Variants in THSD7A observed in about 807,000 individuals in gnomAD.
The protein encoded by THSD7A is thrombospondin type 1 domain containing 7A, also known as thrombospondin type-1 domain-containing protein 7A.
THSD7A carries 96 observed loss-of-function variants against 231.3 expected under a neutral mutation model. That is an observed-to-expected ratio of 0.41 (90% CI 0.35 to 0.49). The LOEUF (loss-of-function observed/expected upper bound fraction) is 0.49, where lower values mean the gene tolerates loss of function less well. THSD7A is among the 20% of genes least tolerant of loss of function. THSD7A has a pLI of 0.05. For missense variants in THSD7A, 2,290 were observed against 2,070.2 expected (o/e 1.11, Z -2.06); for synonymous variants, 940 against 743.3 (o/e 1.26, Z -4.30).
At chr7:11,695,196 T>C (rs1419738268) in intron 1 of THSD7A, among the ~76,000 whole-genome samples, 2 of 151,522 alleles carry the variant, frequency 1.3e-5, no homozygotes, top group African/African-American at 4.8e-5. Context: ...GTTCATCTCT[T>C]GCTGACCATA....
In THSD7A at chr7:11,386,559, T is replaced by C. The variant is rs112685503; in HGVS notation, c.4412-3943A>G. On this transcript the variant is annotated intron_variant, in intron 23 of 27. Coordinates refer to ENST00000423059, the MANE Select transcript of THSD7A (RefSeq NM_015204.3). ...ATTCTTTGCTCACTTTTTGATGGCA[T>C]TGTTTTTTTCTTGCAAATTTGTTTA... 2.8e-3 allele frequency among the ~76,000 whole-genome samples: 434 copies of C among 152,336 alleles called. 1 individual carries two copies. Among genetic ancestry groups the C allele is most frequent in the Non-Finnish European group, 5.2e-3 (353 of 68,028 alleles).
In THSD7A at chr7:11,636,949, C is replaced by T. The variant is rs754165607; in HGVS notation, c.203G>A (p.Arg68Gln). Residue 68 changes from arginine (R) to glutamine (Q), a missense_variant, in exon 2 of 28, where the codon CGA becomes CAA. Coordinates refer to ENST00000423059, the MANE Select transcript of THSD7A (RefSeq NM_015204.3). This position sits in a 1 kb window ranked among gnomAD's most constrained non-coding sequence, Gnocchi z 10.0. ...GGGACCACATTCATCTCCCATACAT[C>T]GGCCCCATGGACCTACAAAAATTAT... ...LYLWKTGPWG[R>Q]CMGDECGPGG... The T allele has an allele frequency of 1.2e-6, 2 of 1,606,842 alleles. No individual in the cohort carries two copies. Among genetic ancestry groups the T allele is most frequent in the South Asian group, 1.1e-5 (1 of 90,886 alleles).
rs187309803 is a variant in THSD7A, at chr7:11,403,762, A to G, written c.4238-1794T>C. On this transcript the variant is annotated intron_variant, in intron 22 of 27. Coordinates refer to ENST00000423059, the MANE Select transcript of THSD7A (RefSeq NM_015204.3). ...CCTAAGTAATACATGTCAGGCTTCA[A>G]AGATTTAATAACAGCAAATGAGAGT... 4.1e-3 allele frequency among the ~76,000 whole-genome samples: 622 copies of G among 152,336 alleles called. 6 individuals carry two copies. Among genetic ancestry groups the G allele is most frequent in the African/African-American group, 0.014 (602 of 41,584 alleles).
At chr7:11,507,995 T>G (rs1312444688) in intron 6 of THSD7A, among the ~76,000 whole-genome samples, 1 of 152,098 alleles carries the variant, frequency 6.6e-6, no homozygotes, top group Non-Finnish European at 1.5e-5. Flanking sequence ...TGGCAGAAGG[T>G]AAAGTGTAAG....
At chr7:11,559,520 CATATAT>C (rs200390688) in intron 4 of THSD7A, among the ~76,000 whole-genome samples, 89 of 139,480 alleles carry the variant, frequency 6.4e-4, no homozygotes, top group Admixed American at 1.3e-3. Context: ...TATATAAATC[CATATAT>C]ATATATATAA....
chr7:11,437,090 A>G (rs1784657102), intron 13 of THSD7A, among the ~76,000 whole-genome samples: 1 of 152,142 alleles, frequency 6.6e-6, no homozygotes, highest in African/African-American at 2.4e-5. Flanking sequence ...AAGGAAAGCC[A>G]AATAAGGACA....
intron 1 of THSD7A, among the ~76,000 whole-genome samples, chr7:11,733,348 T>G (rs953153673): frequency 2.6e-5 from 4 of 151,920 alleles, no homozygotes; most frequent in Admixed American, 2.6e-4. Context: ...GGTCAATACA[T>G]CATTATGTTG....
At chr7:11,469,791 C>A in intron 9 of THSD7A, 88 bp downstream of exon 9, 1 of 877,838 alleles carries the variant, frequency 1.1e-6, no homozygotes, top group Non-Finnish European at 1.8e-6. Flanking sequence ...CTGTGCAAAA[C>A]TCACAAACAT....
chr7:11,387,008 G>A (rs1047140478), intron 23 of THSD7A, among the ~76,000 whole-genome samples: 14 of 151,990 alleles, frequency 9.2e-5, no homozygotes, highest in African/African-American at 3.4e-4. Flanking sequence ...TTTGTCAAAG[G>A]TCAGATGGTT....
intron 4 of THSD7A, among the ~76,000 whole-genome samples, chr7:11,569,662 C>T (rs1790536548): frequency 6.6e-6 from 1 of 152,176 alleles, no homozygotes; most frequent in African/African-American, 2.4e-5. Flanking sequence ...AGCAATCCTA[C>T]TATTGAGCAT....
chr7:11,449,453 A>G (rs1045197848), intron 11 of THSD7A, among the ~76,000 whole-genome samples: 1 of 152,028 alleles, frequency 6.6e-6, no homozygotes, highest in Non-Finnish European at 1.5e-5. Flanking sequence ...AGGTACAGGA[A>G]GGGTTCTGGC....
chr7:11,412,722 T>G lies in THSD7A; in HGVS notation c.3616A>C (p.Asn1206His). ...TTACAGGGTTCTTTCTCAACAGCAT[T>G]AGGGCAAGATCTTCCTTCATCAGCT... Reference protein sequence around the residue: ...QPADEGRSCPNAVEKEPCNLN... With the variant: ...QPADEGRSCPHAVEKEPCNLN... The change falls in exon 18 of 28, where the codon AAT becomes CAT. Residue 1206 changes from asparagine to histidine, a missense_variant. Transcript: ENST00000423059. 1 of 1,613,776 alleles carries G rather than the reference T, an allele frequency of 6.2e-7. No homozygotes were observed. Among genetic ancestry groups the G allele is most frequent in the South Asian group, 1.1e-5 (1 of 91,044 alleles).
chr7:11,548,934 AACAAG>A (rs1231398297), intron 4 of THSD7A, among the ~76,000 whole-genome samples: 3 of 152,106 alleles, frequency 2.0e-5, no homozygotes, highest in Non-Finnish European at 2.9e-5. Flanking sequence ...TGAGAACTGG[AACAAG>A]ACAAGAATAC....
intron 2 of THSD7A, among the ~76,000 whole-genome samples, chr7:11,595,061 G>T (rs1780310280): frequency 6.6e-6 from 1 of 152,210 alleles, no homozygotes; most frequent in Admixed American, 6.5e-5. Context: ...GCTGCCATCA[G>T]CCTTTCCACC....
chr7:11,559,232 T>A (rs1789976954), intron 4 of THSD7A, among the ~76,000 whole-genome samples: 2 of 152,160 alleles, frequency 1.3e-5, no homozygotes, highest in African/African-American at 2.4e-5. Context: ...CCCTGTCAGC[T>A]CCTTGATTTT....
chr7:11,442,116 C>A (rs1784825768), intron 13 of THSD7A, among the ~76,000 whole-genome samples: 1 of 151,912 alleles, frequency 6.6e-6, no homozygotes, highest in South Asian at 2.1e-4. Context: ...GTTTATATAT[C>A]ATTTGTGCAG....
At chr7:11,407,459 A>C in intron 19 of THSD7A, 36 bp from the exon 20 acceptor site, 1 of 1,511,374 alleles carries the variant, frequency 6.6e-7, no homozygotes, top group Non-Finnish European at 9.1e-7. Flanking sequence ...TGTATATTGT[A>C]AATTGGGGGA....
At chr7:11,731,100 A>G (rs542838170) in intron 1 of THSD7A, among the ~76,000 whole-genome samples, 1 of 151,722 alleles carries the variant, frequency 6.6e-6, no homozygotes, top group South Asian at 2.1e-4. Flanking sequence ...TTTTCAATAT[A>G]CTGAACTTAT....
chr7:11,670,297 A>G (rs1336807409), intron 1 of THSD7A, among the ~76,000 whole-genome samples: 1 of 152,148 alleles, frequency 6.6e-6, no homozygotes, highest in Non-Finnish European at 1.5e-5. Context: ...TGGTGTAGTC[A>G]ATGGAGATCC....
Sources: gnomAD v4.1 joint callset for allele counts (sites outside exome capture counted in the v4.1 genomes callset) on GRCh38, gnomAD v4.1.1 for gene constraint, Gnocchi (gnomAD v3.1) non-coding constraint, MANE v1.5 for transcripts, NCBI Gene and HGNC (gene_info 2026-07-23, HGNC 2026-07-21) for gene names.